Variants in SMCO4 observed in about 807,000 individuals in gnomAD.
SMCO4 encodes single-pass membrane protein with coiled-coil domains 4.
In SMCO4, 4 loss-of-function variants were observed where a neutral mutation model predicts 3.6. That is an observed-to-expected ratio of 1.11 (90% CI 0.54 to 2.53). The LOEUF (loss-of-function observed/expected upper bound fraction) is 2.53, where lower values mean the gene tolerates loss of function less well. Ranked by LOEUF, SMCO4 falls within the 30% of genes most tolerant of loss-of-function variation. SMCO4 has a pLI of 0.02. For missense variants in SMCO4, 70 were observed against 80.8 expected (o/e 0.87, Z 0.51); for synonymous variants, 36 against 35.3 (o/e 1.02, Z -0.07).
intron 2 of SMCO4, among the ~76,000 whole-genome samples, chr11:93,497,148 A>C (rs779777644): frequency 5.3e-5 from 8 of 152,222 alleles, no homozygotes; most frequent in Non-Finnish European, 1.0e-4. Context: ...TCCCCATCAA[A>C]GGACAAATCA....
intron 1 of SMCO4, among the ~76,000 whole-genome samples, chr11:93,500,906 T>G (rs61918466): frequency 6.6e-6 from 1 of 152,230 alleles, no homozygotes; most frequent in African/African-American, 2.4e-5. Context: ...CTAGGCCTTC[T>G]GAGCAGCTTG....
At chr11:93,494,610 C>T (rs1202369761) in intron 2 of SMCO4, among the ~76,000 whole-genome samples, 3 of 152,184 alleles carry the variant, frequency 2.0e-5, no homozygotes, top group Admixed American at 6.5e-5. Flanking sequence ...TCCAGCAGGG[C>T]ACTAACTTAA....
rs1413626816 is a variant in SMCO4, at chr11:93,499,284, C to T, written c.-89G>A. The T allele has an allele frequency of 6.6e-6, 1 of 152,208 alleles. No homozygotes were observed. The highest frequency in any genetic ancestry group is 1.5e-5 in the Non-Finnish European group (1 of 68,032). The allele number at this position is 152,208 out of a possible 1,614,324, so 9.4% of individuals were successfully genotyped here. On this transcript the variant is annotated 5_prime_UTR_variant, in exon 2 of 3. Coordinates refer to ENST00000298966, the MANE Select transcript of SMCO4 (RefSeq NM_020179.3). ...TATAAGAGAATGTTTACCTTTTCTT[C>T]AACTTCAAGAATCGTTGATTAATTT... is the stretch of plus-strand genomic sequence containing the variant.
At chr11:93,553,723 C>T in the SMCO4 span, among the ~76,000 whole-genome samples, 2 of 152,172 alleles carry the variant, frequency 1.3e-5, no homozygotes, top group Admixed American at 1.3e-4. Flanking sequence ...AACTGGTTTC[C>T]TTGGTAATCT....
intron 2 of SMCO4, among the ~76,000 whole-genome samples, chr11:93,498,837 T>C (rs1183834804): frequency 6.6e-6 from 1 of 152,030 alleles, no homozygotes. Context: ...TCGAGAAACA[T>C]TTATGGAATA....
upstream of SMCO4, among the ~76,000 whole-genome samples, chr11:93,544,794 T>C (rs1949302790): frequency 6.6e-6 from 1 of 152,164 alleles, no homozygotes; most frequent in Non-Finnish European, 1.5e-5. Context: ...CCTTGTCACA[T>C]TGGGAGATCA....
chr11:93,498,461 C>T (rs1158974949), intron 2 of SMCO4, among the ~76,000 whole-genome samples: 1 of 152,064 alleles, frequency 6.6e-6, no homozygotes, highest in Non-Finnish European at 1.5e-5. Flanking sequence ...TAAAGCCCCC[C>T]ACATGCAACC....
chr11:93,484,445 C>T (rs1329099436), intron 2 of SMCO4, among the ~76,000 whole-genome samples: 1 of 152,102 alleles, frequency 6.6e-6, no homozygotes, highest in Admixed American at 6.5e-5. Context: ...TTAGCTCTGC[C>T]CCATCTGGTT....
At position 93,479,185 on chromosome 11, in the gene SMCO4, C is replaced by T. The variant is rs569882632; in HGVS notation, c.5G>A (p.Arg2Gln). The T allele has an allele frequency of 8.7e-6, 14 of 1,613,678 alleles. No homozygotes were observed. The highest frequency in any genetic ancestry group is 2.7e-5 in the African/African-American group (2 of 75,012). ...CTTCTTGGGCTTCCCTTTGAGCTGCCGCATCTTTCCTAGAGGATGCTAGGA... is the reference window on the plus strand; with the variant it reads ...CTTCTTGGGCTTCCCTTTGAGCTGCTGCATCTTTCCTAGAGGATGCTAGGA... MRQLKGKPKKET... is the reference protein window; with the variant it reads MQQLKGKPKKET... Residue 2 changes from arginine (R) to glutamine (Q), a missense_variant, in exon 3 of 3, where the codon CGG becomes CAG. Coordinates refer to ENST00000298966, the MANE Select transcript of SMCO4 (RefSeq NM_020179.3).
chr11:93,523,035 T>A (rs1251712279), intron 1 of SMCO4, among the ~76,000 whole-genome samples: 1 of 152,200 alleles, frequency 6.6e-6, no homozygotes, highest in Non-Finnish European at 1.5e-5. Context: ...GTCACTTTGC[T>A]GGTTCCTCTG....
intron 1 of SMCO4, among the ~76,000 whole-genome samples, chr11:93,507,779 T>G (rs1948921730): frequency 6.6e-6 from 1 of 152,210 alleles, no homozygotes; most frequent in South Asian, 2.1e-4. Context: ...CACTCCTCCC[T>G]TTTCTAACTA....
intron 1 of SMCO4, among the ~76,000 whole-genome samples, chr11:93,525,821 C>A (rs923749778): frequency 6.6e-6 from 1 of 152,210 alleles, no homozygotes; most frequent in Non-Finnish European, 1.5e-5. Flanking sequence ...TTCAGCAGAG[C>A]CCTGCATGGG....
chr11:93,500,537 GGTGAA>G (rs972880567), intron 1 of SMCO4, among the ~76,000 whole-genome samples: 3 of 152,102 alleles, frequency 2.0e-5, no homozygotes, highest in African/African-American at 7.2e-5. Context: ...CACTGATTTT[GGTGAA>G]GTCCAGAGAT....
intron 2 of SMCO4, among the ~76,000 whole-genome samples, chr11:93,492,527 A>G (rs1467072341): frequency 6.6e-6 from 1 of 152,244 alleles, no homozygotes; most frequent in East Asian, 1.9e-4. Flanking sequence ...GAAAGACAAA[A>G]GAGTGTAAGG....
rs1232253066 is a variant in SMCO4, at chr11:93,478,986, G to A, written c.*24C>T. 6.3e-7 allele frequency: 1 copy of A among 1,582,810 alleles called. No homozygotes were observed. The highest frequency in any genetic ancestry group is 2.3e-5 in the East Asian group (1 of 44,258). ...TCCCGCGCCTCCTCTCCCTGCCGAT[G>A]GGGTCCGCAGCCGGCTGCGGGGCTC... On this transcript the variant is annotated 3_prime_UTR_variant, in exon 3 of 3. Coordinates refer to ENST00000298966, the MANE Select transcript of SMCO4 (RefSeq NM_020179.3).
chr11:93,520,146 A>G (rs762514249), intron 1 of SMCO4, among the ~76,000 whole-genome samples: 2 of 152,224 alleles, frequency 1.3e-5, no homozygotes, highest in Non-Finnish European at 2.9e-5. Context: ...GAACGTTTGT[A>G]CTAGAGGCAT....
the SMCO4 span, among the ~76,000 whole-genome samples, chr11:93,552,209 T>G: frequency 6.9e-6 from 1 of 145,176 alleles, no homozygotes; most frequent in South Asian, 2.2e-4. Flanking sequence ...CAGGCTGAAG[T>G]GCAGTGGCAC....
chr11:93,501,940 ATGCCTCTCTATAGCCCAGAGGCC>A (rs1948843176), intron 1 of SMCO4, among the ~76,000 whole-genome samples: 1 of 152,016 alleles, frequency 6.6e-6, no homozygotes, highest in African/African-American at 2.4e-5. Flanking sequence ...AACCCCTGCT[ATGCCTCTCTATAGCCCAGAGGCC>A]TGGGCTGCAC....
the SMCO4 span, among the ~76,000 whole-genome samples, chr11:93,550,214 C>T: frequency 2.3e-4 from 35 of 152,312 alleles, no homozygotes; most frequent in South Asian, 7.0e-3. Context: ...TTTCTCCCTG[C>T]TGGCAAATGT....
Sources: allele counts gnomAD v4.1 joint callset (sites outside exome capture counted in the v4.1 genomes callset), GRCh38; gene constraint gnomAD v4.1.1; transcripts MANE v1.5; gene names NCBI Gene and HGNC (gene_info 2026-07-23, HGNC 2026-07-21).